The following CACNA1B variants were observed in gnomAD, a reference collection of about 807,000 sequenced individuals.
The protein encoded by CACNA1B is calcium voltage-gated channel subunit alpha1 B.
In CACNA1B, 70 loss-of-function variants were observed where a neutral mutation model predicts 247.2. The ratio of observed to expected loss-of-function variants is 0.28; its 90% confidence interval spans 0.23 to 0.35. The LOEUF is 0.35. CACNA1B is among the 10% of genes least tolerant of loss of function. The pLI is 1.00. For missense variants in CACNA1B, 2,367 were observed against 3,197.4 expected (o/e 0.74, Z 6.26); for synonymous variants, 1,231 against 1,294.4 (o/e 0.95, Z 1.05).
At chr9:137,942,092 G>A (rs1050077731) in intron 6 of CACNA1B, among the ~76,000 whole-genome samples, 8 of 152,046 alleles carry the variant, frequency 5.3e-5, no homozygotes, top group African/African-American at 1.9e-4. Flanking sequence ...TCTGAGAAAG[G>A]ACTAATATCC....
At chr9:138,044,676 C>T (rs1003182406) in intron 21 of CACNA1B, among the ~76,000 whole-genome samples, 16 of 152,306 alleles carry the variant, frequency 1.1e-4, no homozygotes, top group Non-Finnish European at 1.9e-4. Flanking sequence ...AGAGCTTGCC[C>T]GGCCAGAGCA....
At chr9:138,106,185 C>T (rs958587335) in intron 39 of CACNA1B, among the ~76,000 whole-genome samples, 10 of 152,176 alleles carry the variant, frequency 6.6e-5, no homozygotes, top group African/African-American at 9.7e-5. Flanking sequence ...TGAGCCCATC[C>T]GGTCTTTCCC....
intron 6 of CACNA1B, among the ~76,000 whole-genome samples, chr9:137,951,760 CA>C (rs1291099439): frequency 1.3e-5 from 2 of 152,148 alleles, no homozygotes; most frequent in African/African-American, 4.8e-5. Flanking sequence ...TCAGGCCAGG[CA>C]TGTGGTGAAA....
intron 18 of CACNA1B, among the ~76,000 whole-genome samples, chr9:138,016,429 C>G (rs1958792678): frequency 6.6e-6 from 1 of 152,218 alleles, no homozygotes; most frequent in Admixed American, 6.5e-5. Flanking sequence ...GGAGCTGCAT[C>G]CAAAAGGAAG....
intron 6 of CACNA1B, among the ~76,000 whole-genome samples, chr9:137,935,881 T>C (rs930491349): frequency 1.3e-5 from 2 of 151,968 alleles, no homozygotes; most frequent in Non-Finnish European, 1.5e-5. Context: ...AGTGGCACGA[T>C]CTTGGCTCAC....
Position 138,023,285 on chromosome 9 carries a change from C to T in CACNA1B, c.2542C>T (p.Pro848Ser), listed in dbSNP as rs1415022426. 1 of 1,516,476 alleles carries T rather than the reference C, an allele frequency of 6.6e-7. No homozygotes were observed. Among genetic ancestry groups the T allele is most frequent in the East Asian group, 2.6e-5 (1 of 38,090 alleles). The allele number at this position is 1,516,476 out of a possible 1,614,324, so 93.9% of individuals were successfully genotyped here. Residue 848 changes from proline (P) to serine (S), a missense_variant, in exon 19 of 47, where the codon CCG becomes TCG. Around this residue, in one of 12 missense-constraint regions of CACNA1B, gnomAD observed 631 missense variants for 631.1 expected, o/e 1.00. Coordinates refer to ENST00000371372, the MANE Select transcript of CACNA1B (RefSeq NM_000718.4). Reference sequence around the variant, plus strand: ...GGAGGCCCCCGAGGGCGTCGACCCTCCGCGCAGGCACCACCGGCACCGCGA... The same window carrying T: ...GGAGGCCCCCGAGGGCGTCGACCCTTCGCGCAGGCACCACCGGCACCGCGA... ...AAEAPEGVDP[P>S]RRHHRHRDKD...
In CACNA1B at chr9:137,952,342, C is replaced by A; in HGVS notation, c.1035C>A (p.Phe345Leu). ...YFIPLIIIGS[F>L]FMLNLVLGVL... ...TCCCTCTCATCATCATCGGCTCCTT[C>A]TTCATGCTCAACCTGGTGCTGGGCG... Residue 345 changes from phenylalanine to leucine, a missense_variant, in exon 7 of 47, where the codon TTC becomes TTA. Physicochemically the swap from Phe to Leu is conservative, Grantham distance 22 (BLOSUM62 0). Transcript: ENST00000371372. The surrounding 1 kb of genome is among the most constrained non-coding windows in gnomAD (Gnocchi z 4.8). 6.2e-7 allele frequency: 1 copy of A among 1,613,708 alleles called. No homozygotes were observed. Among genetic ancestry groups the A allele is most frequent in the Non-Finnish European group, 8.5e-7 (1 of 1,179,756 alleles).
intron 31 of CACNA1B, chr9:138,068,751 G>T (rs1175172061): frequency 9.2e-6 from 4 of 435,716 alleles, no homozygotes; most frequent in African/African-American, 8.0e-5. Flanking sequence ...TGCTGAGAGG[G>T]CACAAAGTGG....
chr9:138,101,273 G>A (rs1381664851), intron 37 of CACNA1B: 8 of 479,308 alleles, frequency 1.7e-5, no homozygotes, highest in Admixed American at 4.6e-5. Context: ...TCCCTGCCTG[G>A]TTTGGGAATG....
intron 6 of CACNA1B, among the ~76,000 whole-genome samples, chr9:137,930,635 A>C (rs1387760190): frequency 6.6e-6 from 1 of 152,146 alleles, no homozygotes; most frequent in African/African-American, 2.4e-5. Flanking sequence ...GCTCTTTTAT[A>C]TCCTTGCTGG....
intron 3 of CACNA1B, among the ~76,000 whole-genome samples, chr9:137,893,606 G>T (rs529553847): frequency 6.6e-6 from 1 of 150,904 alleles, no homozygotes; most frequent in Non-Finnish European, 1.5e-5. Flanking sequence ...AGCTGAGATC[G>T]CGCCATTGCA....
In CACNA1B at chr9:138,115,544, C is replaced by A. The variant is rs748771667; in HGVS notation, c.5650-8C>A. 4 of 1,611,482 alleles carry A rather than the reference C, an allele frequency of 2.5e-6. No homozygotes were observed. In the East Asian group the frequency reaches 8.9e-5, roughly 36 times the overall value. ...GAGCTCTTTCCCTTCCCTTTGCCTC[C>A]TTTGCAGATGGGTCCTGTGTCCCTG... On this transcript the variant is annotated splice_region_variant and splice_polypyrimidine_tract_variant and intron_variant, in intron 41 of 46. Transcript: ENST00000371372.
At chr9:137,997,573 A>G (rs1958514919) in intron 15 of CACNA1B, among the ~76,000 whole-genome samples, 1 of 152,242 alleles carries the variant, frequency 6.6e-6, no homozygotes, top group Admixed American at 6.5e-5. Flanking sequence ...AGAAACTATG[A>G]TCAATTTTAC....
intron 36 of CACNA1B, among the ~76,000 whole-genome samples, chr9:138,086,551 T>G (rs960210753): frequency 6.6e-6 from 1 of 150,864 alleles, no homozygotes; most frequent in African/African-American, 2.5e-5. Context: ...GAAAAAAAAT[T>G]TTAGGGCAAG....
intron 10 of CACNA1B, among the ~76,000 whole-genome samples, chr9:137,962,690 T>G (rs1478614062): frequency 6.6e-6 from 1 of 152,182 alleles, no homozygotes; most frequent in African/African-American, 2.4e-5. Flanking sequence ...TGTAGTTGTG[T>G]GGTTTTGAGT....
rs1431064643 is a variant in CACNA1B at position 138,054,771 on chromosome 9, T to A, written c.3968+765T>A. On this transcript the variant is annotated intron_variant, in intron 26 of 46. Transcript: ENST00000371372. This position sits in a 1 kb window ranked among gnomAD's most constrained non-coding sequence, Gnocchi z 4.6. ...GCCAGGCCCTTGTGTAAAATTACAC[T>A]CTCTCCAGCGTAGATGAGAGCCCCA... 6.6e-6 allele frequency among the ~76,000 whole-genome samples: 1 copy of A among 152,176 alleles called. No homozygotes were observed. Among genetic ancestry groups the A allele is most frequent in the Non-Finnish European group, 1.5e-5 (1 of 68,024 alleles).
intron 3 of CACNA1B, among the ~76,000 whole-genome samples, chr9:137,905,470 C>T (rs1197257344): frequency 6.6e-6 from 1 of 151,900 alleles, no homozygotes; most frequent in Non-Finnish European, 1.5e-5. Flanking sequence ...ATTTTATAAA[C>T]TTAAGTTAGA....
Position 138,056,208 on chromosome 9 carries a change from A to AC in CACNA1B, c.3969-1524_3969-1523insC, listed in dbSNP as rs544233203. Reference sequence around the variant, plus strand: ...CACATTTTCAGCACCTCAAAAAAAAAGAAAAACCCGCACCGTTTAACTATC... The same window carrying AC: ...CACATTTTCAGCACCTCAAAAAAAAACGAAAAACCCGCACCGTTTAACTATC... On this transcript the variant is annotated intron_variant, in intron 26 of 46. Coordinates refer to ENST00000371372, the MANE Select transcript of CACNA1B (RefSeq NM_000718.4). 4.6e-5 allele frequency among the ~76,000 whole-genome samples: 7 copies of AC among 152,304 alleles called. No homozygotes were observed. In the East Asian group the frequency reaches 1.2e-3, roughly 25 times the overall value.
chr9:137,904,846 A>G (rs1178763588), intron 3 of CACNA1B, among the ~76,000 whole-genome samples: 1 of 152,032 alleles, frequency 6.6e-6, no homozygotes, highest in Non-Finnish European at 1.5e-5. Flanking sequence ...ATGTCCTACT[A>G]TGTTGGTGAG....
Sources: allele counts gnomAD v4.1 joint callset (sites outside exome capture counted in the v4.1 genomes callset), GRCh38; gene constraint gnomAD v4.1.1; regional missense constraint gnomAD v4.1.1; non-coding constraint Gnocchi (gnomAD v3.1); transcripts MANE v1.5; gene names NCBI Gene and HGNC (gene_info 2026-07-23, HGNC 2026-07-21).